XPO7: variants seen among roughly 807,000 people sequenced by gnomAD.
XPO7 encodes exportin 7, also known as exportin-7.
In XPO7, 21 loss-of-function variants were observed where a neutral mutation model predicts 144.3. That is an observed-to-expected ratio of 0.15 (90% CI 0.10 to 0.21). The LOEUF (loss-of-function observed/expected upper bound fraction) is 0.21, where lower values mean the gene tolerates loss of function less well. Among genes scored for constraint, XPO7 ranks in the 10% least tolerant of loss-of-function variants. The pLI, the probability that XPO7 is intolerant of heterozygous loss-of-function variation, is 1.00. For synonymous variants in XPO7, 580 were observed against 499.6 expected (o/e 1.16, Z -2.15); for missense variants, 808 against 1,325.8 (o/e 0.61, Z 6.06).
chr8:21,925,847 C>G (rs1166132473), intron 1 of XPO7, among the ~76,000 whole-genome samples: 1 of 152,160 alleles, frequency 6.6e-6, no homozygotes, highest in African/African-American at 2.4e-5. Context: ...TATGCTCAAA[C>G]CAACATTTCC....
chr8:21,941,885 A>T (rs539323735), intron 1 of XPO7, among the ~76,000 whole-genome samples: 30 of 152,288 alleles, frequency 2.0e-4, no homozygotes, highest in Admixed American at 1.7e-3. Flanking sequence ...GGGTCTCAGG[A>T]TGTTGCCTAG....
chr8:21,996,251 C>T (rs1458761673), intron 21 of XPO7, among the ~76,000 whole-genome samples: 1 of 152,082 alleles, frequency 6.6e-6, no homozygotes, highest in African/African-American at 2.4e-5. Context: ...TGGTGAAACC[C>T]ACCTCTACAA....
rs534679667 is a variant in XPO7 at position 21,980,514 on chromosome 8, G to A, written c.957+311G>A. Among the ~76,000 whole-genome samples the A allele has an allele frequency of 3.9e-5, 6 of 152,322 alleles. No individual in the cohort carries two copies. The South Asian group carries it at 1.2e-3, about 32-fold the overall frequency. On this transcript the variant is annotated intron_variant, in intron 9 of 27. Coordinates refer to ENST00000252512, the MANE Select transcript of XPO7 (RefSeq NM_015024.5). Reference sequence around the variant, plus strand: ...TCTCCGGGCACAGAGGCTCACGCCTGTAATCCCAACAGTTTGGGAGGCCAA... The same window carrying A: ...TCTCCGGGCACAGAGGCTCACGCCTATAATCCCAACAGTTTGGGAGGCCAA...
At chr8:21,991,237 C>G (rs142442136) in intron 18 of XPO7, among the ~76,000 whole-genome samples, 1 of 152,260 alleles carries the variant, frequency 6.6e-6, no homozygotes, top group East Asian at 1.9e-4. Flanking sequence ...TTCTCCACCC[C>G]ACAATGAGGT....
intron 1 of XPO7, among the ~76,000 whole-genome samples, chr8:21,926,462 G>T (rs1393522407): frequency 6.6e-6 from 1 of 151,978 alleles, no homozygotes; most frequent in Non-Finnish European, 1.5e-5. Context: ...GAAATGAAGG[G>T]TTTTCTTAGG....
At chr8:21,937,318 A>C (rs1810853132) in intron 1 of XPO7, among the ~76,000 whole-genome samples, 1 of 152,212 alleles carries the variant, frequency 6.6e-6, no homozygotes, top group African/African-American at 2.4e-5. Flanking sequence ...TTTTTAAAAC[A>C]TCTTGATCTG....
chr8:21,974,808 T>C, intron 6 of XPO7, 34 bp downstream of exon 6: 3 of 1,499,036 alleles, frequency 2.0e-6, no homozygotes, highest in Non-Finnish European at 2.7e-6. Context: ...TTTCCCAGTT[T>C]CTTTTGAAAG....
intron 1 of XPO7, among the ~76,000 whole-genome samples, chr8:21,937,362 A>G (rs1810854760): frequency 6.6e-6 from 1 of 152,200 alleles, no homozygotes. Context: ...TTAATGTCTT[A>G]CGGTAATAGT....
intron 1 of XPO7, among the ~76,000 whole-genome samples, 174 bp downstream of exon 1, chr8:21,919,962 C>T (rs1325371544): frequency 6.6e-6 from 1 of 151,782 alleles, no homozygotes; most frequent in Non-Finnish European, 1.5e-5. Flanking sequence ...TCCCGCCTCC[C>T]GGGCCGGGGG....
intron 19 of XPO7, 78 bp downstream of exon 19, chr8:21,992,052 A>T: frequency 8.9e-7 from 1 of 1,123,944 alleles, no homozygotes; most frequent in Non-Finnish European, 1.3e-6. Context: ...GCTTGACTGT[A>T]AACTATCCAC....
At chr8:21,941,751 TCA>T (rs914119960) in intron 1 of XPO7, among the ~76,000 whole-genome samples, 62 of 152,296 alleles carry the variant, frequency 4.1e-4, no homozygotes, top group Admixed American at 3.9e-3. Context: ...TGTTTGTTTT[TCA>T]CAGACTCTAT....
At chr8:21,952,825 G>A (rs1423561653) in intron 1 of XPO7, among the ~76,000 whole-genome samples, 1 of 152,180 alleles carries the variant, frequency 6.6e-6, no homozygotes, top group Non-Finnish European at 1.5e-5. Flanking sequence ...GATACAAAAT[G>A]TCATGTTTTA....
At chr8:21,982,540 T>TA (rs200830977) in intron 10 of XPO7, 100 bp from the exon 11 acceptor site, 38,652 of 1,352,914 alleles carry the variant, frequency 0.029, 492 homozygotes, top group Non-Finnish European at 0.034. Flanking sequence ...TCCTCTTTTT[T>TA]TAAAAAAAAG....
At chr8:21,987,326 G>T (rs773891557) in intron 14 of XPO7, 50 bp downstream of exon 14, 2 of 1,609,400 alleles carry the variant, frequency 1.2e-6, no homozygotes, top group East Asian at 4.5e-5. Context: ...TCACTTGTGG[G>T]ATTGCTGATG....
chr8:21,954,064 C>T (rs910527771), intron 1 of XPO7, among the ~76,000 whole-genome samples: 7 of 152,166 alleles, frequency 4.6e-5, no homozygotes, highest in African/African-American at 1.4e-4. Context: ...AGATAATTCT[C>T]TGGGCCAGTT....
intron 1 of XPO7, among the ~76,000 whole-genome samples, chr8:21,954,845 T>A (rs569863645): frequency 1.3e-5 from 2 of 152,282 alleles, no homozygotes; most frequent in South Asian, 4.1e-4. Flanking sequence ...TAGAAGTCAG[T>A]TGTTTGACCT....
Position 21,919,719 on chromosome 8 carries a change from A to G in XPO7, c.-52A>G. On this transcript the variant is annotated 5_prime_UTR_variant, in exon 1 of 28. Coordinates refer to ENST00000252512, the MANE Select transcript of XPO7 (RefSeq NM_015024.5). ...GCGGCGGCGGCAGCGGCTCCGGCCG[A>G]GGTGCGCGCTGGGGGGGAGGGGGGG... 9.7e-6 allele frequency: 2 copies of G among 205,218 alleles called. No individual in the cohort carries two copies. Among genetic ancestry groups the G allele is most frequent in the African/African-American group, 2.4e-5 (1 of 41,000 alleles). The allele number at this position is 205,218 out of a possible 1,614,324, so 12.7% of individuals were successfully genotyped here. A position where few individuals can be genotyped will look rare whatever the true frequency, so the allele number is the denominator to read the frequency against.
chr8:21,931,624 AT>A (rs1810653371), intron 1 of XPO7, among the ~76,000 whole-genome samples: 1 of 152,238 alleles, frequency 6.6e-6, no homozygotes, highest in Admixed American at 6.5e-5. Flanking sequence ...CATGCATTTA[AT>A]GCAAGAAAGA....
At chr8:21,941,107 A>G (rs984798668) in intron 1 of XPO7, among the ~76,000 whole-genome samples, 2 of 151,220 alleles carry the variant, frequency 1.3e-5, no homozygotes, top group Admixed American at 1.3e-4. Flanking sequence ...TAGTATTTGC[A>G]TATAACAAGC....
Sources: allele counts gnomAD v4.1 joint callset (sites outside exome capture counted in the v4.1 genomes callset), GRCh38; gene constraint gnomAD v4.1.1; transcripts MANE v1.5; gene names NCBI Gene and HGNC (gene_info 2026-07-23, HGNC 2026-07-21).